Variants in GLIS1 observed in about 807,000 individuals in gnomAD.
The protein encoded by GLIS1 is zinc finger protein GLIS1.
A neutral mutation model predicts 63.8 loss-of-function variants in GLIS1; 24 were observed. The ratio of observed to expected loss-of-function variants is 0.38; its 90% CI spans 0.27 to 0.53. The LOEUF (loss-of-function observed/expected upper bound fraction) is 0.53, where lower values mean the gene tolerates loss of function less well. Ranked by LOEUF, GLIS1 falls within the 20% of genes least tolerant of loss-of-function variation. GLIS1 has a pLI of 0.85. For synonymous variants in GLIS1, 450 were observed against 482.5 expected, an observed-to-expected ratio of 0.93 and a Z score of 0.88; for missense variants, 1,036 against 1,074.1, an observed-to-expected ratio of 0.96 and a Z score of 0.50.
rs139310618 is a variant in GLIS1, at chr1:53,673,307, G to A, written c.259+64499C>T. Among the ~76,000 whole-genome samples, 127 of 152,348 alleles carry A rather than the reference G, an allele frequency of 8.3e-4. 1 individual carries two copies. Among genetic ancestry groups the A allele is most frequent in the South Asian group, 4.8e-3 (23 of 4,828 alleles). Reference sequence around the variant, plus strand: ...AAAGGGCCTAGATTACCACTGGGGCGACTTGGCCAGGGAAACTCAGCCCCA... The same window carrying A: ...AAAGGGCCTAGATTACCACTGGGGCAACTTGGCCAGGGAAACTCAGCCCCA... On this transcript the variant is annotated intron_variant, in intron 2 of 10. Coordinates refer to ENST00000628545, the MANE Select transcript of GLIS1 (RefSeq NM_001367484.1).
chr1:53,594,045 C>G (rs936639156), intron 4 of GLIS1, 63 bp downstream of exon 4: 10 of 1,530,962 alleles, frequency 6.5e-6, no homozygotes, highest in Admixed American at 5.8e-5. Context: ...TCCTGGGGCA[C>G]TGGGGTGAGT....
At chr1:53,592,878 C>CCCAGCTCCCAGCTGG (rs1645206320) in intron 4 of GLIS1, among the ~76,000 whole-genome samples, 4 of 152,262 alleles carry the variant, frequency 2.6e-5, no homozygotes, top group African/African-American at 9.6e-5. Flanking sequence ...AGATCCTGTC[C>CCCAGCTCCCAGCTGG]GACGCCCAGC....
intron 4 of GLIS1, among the ~76,000 whole-genome samples, chr1:53,585,865 C>A (rs1406931203): frequency 6.6e-6 from 1 of 152,230 alleles, no homozygotes; most frequent in Non-Finnish European, 1.5e-5. Context: ...CAGAGCACAG[C>A]CCCTCCACCC....
intron 4 of GLIS1, among the ~76,000 whole-genome samples, chr1:53,578,196 G>C (rs1237592543): frequency 6.6e-6 from 1 of 152,186 alleles, no homozygotes; most frequent in Non-Finnish European, 1.5e-5. Context: ...TGCTATAGCA[G>C]CCTGAATCCC....
At chr1:53,711,189 C>G (rs573149130) in intron 2 of GLIS1, among the ~76,000 whole-genome samples, 1 of 152,226 alleles carries the variant, frequency 6.6e-6, no homozygotes, top group Admixed American at 6.5e-5. Context: ...CCCTGTAAAC[C>G]CCAGAGATGA....
At chr1:53,632,333 CTG>C (rs906720920) in intron 2 of GLIS1, among the ~76,000 whole-genome samples, 1 of 122,976 alleles carries the variant, frequency 8.1e-6, no homozygotes, top group African/African-American at 3.2e-5. Flanking sequence ...GTGTGACAGA[CTG>C]GGGGTGTAAC....
chr1:53,678,150 C>T (rs1646234186), intron 2 of GLIS1, among the ~76,000 whole-genome samples: 1 of 152,100 alleles, frequency 6.6e-6, no homozygotes, highest in African/African-American at 2.4e-5. Flanking sequence ...GCAGTGGGCA[C>T]CCCCATCAGA....
At chr1:53,617,231 T>C (rs1268864458) in intron 2 of GLIS1, among the ~76,000 whole-genome samples, 12 of 148,416 alleles carry the variant, frequency 8.1e-5, no homozygotes, top group Non-Finnish European at 1.5e-5. Context: ...GTACTTGTCA[T>C]TTAGTGGGGA....
intron 4 of GLIS1, among the ~76,000 whole-genome samples, chr1:53,586,685 G>A (rs1164699895): frequency 6.6e-6 from 1 of 152,214 alleles, no homozygotes; most frequent in African/African-American, 2.4e-5. Context: ...GGGTGGCAAA[G>A]CTAGGTTTCA....
chr1:53,565,105 C>A lies in GLIS1; in HGVS notation c.1320+29003G>T, dbSNP rs58288830. Among the ~76,000 whole-genome samples, 462 of 151,952 alleles carry A rather than the reference C, an allele frequency of 3.0e-3. 2 individuals are homozygous for A. Among genetic ancestry groups the A allele is most frequent in the African/African-American group, 0.01 (417 of 41,460 alleles). On this transcript the variant is annotated intron_variant, in intron 4 of 10. Coordinates refer to ENST00000628545, the MANE Select transcript of GLIS1 (RefSeq NM_001367484.1). ...CAATCACATAAAGGCAAAAAATGTT[C>A]CTATGTTTGGAAAATTAAAGGCCCA...
intron 4 of GLIS1, among the ~76,000 whole-genome samples, chr1:53,531,713 G>A (rs1323934936): frequency 6.6e-6 from 1 of 152,188 alleles, no homozygotes; most frequent in African/African-American, 2.4e-5. Flanking sequence ...GGAGACACAG[G>A]GGCTGTGGCC....
intron 2 of GLIS1, among the ~76,000 whole-genome samples, chr1:53,729,980 G>A (rs955952808): frequency 4.6e-5 from 7 of 152,198 alleles, no homozygotes; most frequent in Non-Finnish European, 5.9e-5. Flanking sequence ...GAGAGATGGG[G>A]AGTGAGACAG....
rs749436299 is a variant in GLIS1 at position 53,524,878 on chromosome 1, C to T, written c.1492G>A (p.Ala498Thr). 2.6e-5 allele frequency: 41 copies of T among 1,607,676 alleles called. No homozygotes were observed. Among genetic ancestry groups the T allele is most frequent in the Non-Finnish European group, 3.1e-5 (37 of 1,175,442 alleles). Residue 498 changes from alanine (A) to threonine (T), a missense_variant, in exon 6 of 11, where the codon GCC (alanine) becomes ACC (threonine). Transcript: ENST00000628545. ...QRTHLDTKPY[A>T]CQIPGCSKRY... ...TTGGAGCAGCCAGGGATCTGACAGG[C>T]GTACGGCTTCTGTAACATGGGGGGC...
chr1:53,695,433 G>A (rs991392910), intron 2 of GLIS1, among the ~76,000 whole-genome samples: 24 of 152,228 alleles, frequency 1.6e-4, no homozygotes, highest in Non-Finnish European at 3.4e-4. Context: ...ACCAGAAGAA[G>A]GTGACAGACA....
At chr1:53,589,061 T>C (rs547038248) in intron 4 of GLIS1, among the ~76,000 whole-genome samples, 19 of 152,350 alleles carry the variant, frequency 1.2e-4, no homozygotes, top group Middle Eastern at 3.4e-3. Context: ...TCCTGCCACT[T>C]GGCAGACTGT....
In GLIS1 at chr1:53,555,697, C is replaced by A. The variant is rs117800081; in HGVS notation, c.1321-25745G>T. 3.0e-3 allele frequency among the ~76,000 whole-genome samples: 450 copies of A among 152,294 alleles called. 9 individuals are homozygous for A. The East Asian group carries it at 0.062, about 21-fold the overall frequency. ...AACCCATATATACACCTACTATGTA[C>A]GTACAAAAATTAAAAATTAAGAAAT... On this transcript the variant is annotated intron_variant, in intron 4 of 10. Transcript: ENST00000628545.
intron 4 of GLIS1, among the ~76,000 whole-genome samples, chr1:53,571,810 C>T (rs546356372): frequency 6.6e-6 from 1 of 152,000 alleles, no homozygotes; most frequent in African/African-American, 2.4e-5. Context: ...GATCTCCTGA[C>T]CTCGTGATCC....
chr1:53,574,254 A>G lies in GLIS1; in HGVS notation c.1320+19854T>C, dbSNP rs931280142. ...GGGCCTTTGGTCAGCTTCCCCTGCC[A>G]CTGCCCCATCCAGCCTGCCTTCACC... On this transcript the variant is annotated intron_variant, in intron 4 of 10. Coordinates refer to ENST00000628545, the MANE Select transcript of GLIS1 (RefSeq NM_001367484.1). This position sits in a 1 kb window ranked among gnomAD's most constrained non-coding sequence, Gnocchi z 4.2. 3.2e-4 allele frequency among the ~76,000 whole-genome samples: 48 copies of G among 152,134 alleles called. No individual in the cohort carries two copies. Among genetic ancestry groups the G allele is most frequent in the Non-Finnish European group, 6.5e-4 (44 of 68,028 alleles).
chr1:53,609,377 A>C (rs1645403915), intron 2 of GLIS1, among the ~76,000 whole-genome samples: 1 of 145,780 alleles, frequency 6.9e-6, no homozygotes, highest in Admixed American at 7.3e-5. Context: ...GGGTTCAAGC[A>C]ATTCTGCCTC....
Sources: gnomAD v4.1 joint callset for allele counts (sites outside exome capture counted in the v4.1 genomes callset) on GRCh38, gnomAD v4.1.1 for gene constraint, Gnocchi (gnomAD v3.1) non-coding constraint, MANE v1.5 for transcripts, NCBI Gene and HGNC (gene_info 2026-07-23, HGNC 2026-07-21) for gene names.